KCNB2: variants seen among roughly 807,000 people sequenced by gnomAD.
KCNB2 encodes delayed rectifier potassium channel protein.
KCNB2 carries 15 observed loss-of-function variants against 61.5 expected under a neutral mutation model. The observed-to-expected ratio is 0.24, with a 90% CI of 0.16 to 0.38. The LOEUF is 0.38. Among genes scored for constraint, KCNB2 ranks in the 10% least tolerant of loss-of-function variants. The pLI, the probability that KCNB2 is intolerant of heterozygous loss-of-function variation, is 1.00. For missense variants in KCNB2, 828 were observed against 1,125.2 expected, an observed-to-expected ratio of 0.74 and a Z score of 3.78; for synonymous variants, 457 against 446.0, an observed-to-expected ratio of 1.02 and a Z score of -0.31.
At chr8:72,855,451 C>G (rs1402697536) in intron 2 of KCNB2, among the ~76,000 whole-genome samples, 2 of 152,094 alleles carry the variant, frequency 1.3e-5, no homozygotes, top group African/African-American at 2.4e-5. Context: ...CTCAAACAAC[C>G]CCTCCTCAAG....
chr8:72,739,822 C>G (rs1425024010), intron 2 of KCNB2, among the ~76,000 whole-genome samples: 1 of 152,082 alleles, frequency 6.6e-6, no homozygotes, highest in Non-Finnish European at 1.5e-5. Flanking sequence ...ATATTGTTCA[C>G]CCTTTTATTT....
chr8:72,737,482 T>C (rs1585862468), intron 2 of KCNB2, among the ~76,000 whole-genome samples: 1 of 152,218 alleles, frequency 6.6e-6, no homozygotes, highest in East Asian at 1.9e-4. Context: ...ATAAATGTTC[T>C]CAATAGTTGT....
At chr8:72,923,492 T>C (rs1328178137) in intron 2 of KCNB2, among the ~76,000 whole-genome samples, 2 of 152,192 alleles carry the variant, frequency 1.3e-5, no homozygotes, top group Non-Finnish European at 2.9e-5. Flanking sequence ...TTTAATGTTA[T>C]ATGCTGGTCA....
intron 2 of KCNB2, among the ~76,000 whole-genome samples, chr8:72,769,625 T>C (rs1365504416): frequency 6.6e-6 from 1 of 150,998 alleles, no homozygotes; most frequent in Non-Finnish European, 1.5e-5. Context: ...GCTTGGAGAG[T>C]GAGTGGATGG....
intron 2 of KCNB2, among the ~76,000 whole-genome samples, chr8:72,850,185 ATGT>A (rs1259638394): frequency 7.4e-6 from 1 of 135,002 alleles, no homozygotes; most frequent in African/African-American, 2.9e-5. Flanking sequence ...GTGTGAGTGT[ATGT>A]AAGTGTGTGT....
intron 2 of KCNB2, among the ~76,000 whole-genome samples, chr8:72,826,255 GGGAAGTATCTACA>G (rs1809594207): frequency 6.6e-6 from 1 of 152,132 alleles, no homozygotes; most frequent in Non-Finnish European, 1.5e-5. Context: ...ATCTGTTGAT[GGGAAGTATCTACA>G]GGAAGTAGGA....
chr8:72,927,179 C>T (rs368308066), intron 2 of KCNB2, among the ~76,000 whole-genome samples: 69 of 152,204 alleles, frequency 4.5e-4, no homozygotes, highest in Admixed American at 2.4e-3. Context: ...TAGAAGGAAG[C>T]GCGTCAAACT....
At chr8:72,642,494 GC>G (rs2128985806) in intron 2 of KCNB2, among the ~76,000 whole-genome samples, 1 of 152,154 alleles carries the variant, frequency 6.6e-6, no homozygotes, top group South Asian at 2.1e-4. Flanking sequence ...GACTCACACA[GC>G]TTACAGTCTA....
At chr8:72,562,523 G>A (rs1260661946) in intron 1 of KCNB2, among the ~76,000 whole-genome samples, 1 of 152,154 alleles carries the variant, frequency 6.6e-6, no homozygotes, top group East Asian at 1.9e-4. Flanking sequence ...ATTGTAGCAA[G>A]CTTAACTTTC....
chr8:72,867,159 A>T (rs993341361), intron 2 of KCNB2, among the ~76,000 whole-genome samples: 19 of 152,112 alleles, frequency 1.2e-4, no homozygotes, highest in African/African-American at 4.6e-4. Context: ...TCCCTTTATA[A>T]CCTTCTTAAT....
At chr8:72,647,409 G>A (rs1014387390) in intron 2 of KCNB2, among the ~76,000 whole-genome samples, 48 of 151,422 alleles carry the variant, frequency 3.2e-4, no homozygotes, top group African/African-American at 1.1e-3. Flanking sequence ...GAACTTTTTC[G>A]GTGCCACGGA....
At chr8:72,739,817 G>T (rs1186664722) in intron 2 of KCNB2, among the ~76,000 whole-genome samples, 1 of 152,096 alleles carries the variant, frequency 6.6e-6, no homozygotes, top group Non-Finnish European at 1.5e-5. Context: ...GTACCATATT[G>T]TTCACCCTTT....
intron 2 of KCNB2, among the ~76,000 whole-genome samples, chr8:72,812,534 A>G (rs780220605): frequency 2.6e-5 from 4 of 152,088 alleles, no homozygotes; most frequent in East Asian, 1.9e-4. Flanking sequence ...AAATATAGAT[A>G]TATATTTATT....
chr8:72,700,931 C>A (rs1210037106), intron 2 of KCNB2, among the ~76,000 whole-genome samples: 1 of 152,132 alleles, frequency 6.6e-6, no homozygotes, highest in Non-Finnish European at 1.5e-5. Flanking sequence ...TCCTTTGCAG[C>A]AACATATAGG....
intron 1 of KCNB2, among the ~76,000 whole-genome samples, chr8:72,545,598 C>T (rs1806247135): frequency 6.6e-6 from 1 of 152,010 alleles, no homozygotes; most frequent in South Asian, 2.1e-4. Context: ...TCTGCTTGGG[C>T]CTCCCTGTTC....
intron 2 of KCNB2, among the ~76,000 whole-genome samples, chr8:72,700,462 G>A (rs566757673): frequency 2.2e-4 from 33 of 152,060 alleles, no homozygotes; most frequent in Non-Finnish European, 3.2e-4. Flanking sequence ...ATGAAAAAAC[G>A]TTCAACATCA....
chr8:72,723,472 G>A (rs370699698), intron 2 of KCNB2, among the ~76,000 whole-genome samples: 25 of 152,206 alleles, frequency 1.6e-4, no homozygotes, highest in South Asian at 1.0e-3. Flanking sequence ...GACTGTGTGC[G>A]CTCTCACAGG....
intron 2 of KCNB2, among the ~76,000 whole-genome samples, chr8:72,851,632 CATTT>C (rs1810109890): frequency 6.6e-6 from 1 of 151,900 alleles, no homozygotes; most frequent in African/African-American, 2.4e-5. Context: ...TCTCACTGAG[CATTT>C]AGTCAGGTTC....
chr8:72,555,431 C>A (rs1806408527), intron 1 of KCNB2, among the ~76,000 whole-genome samples: 2 of 151,770 alleles, frequency 1.3e-5, no homozygotes, highest in Admixed American at 6.6e-5. Context: ...GCATTTTGAT[C>A]TTAAGCTGAA....
Sources: allele counts gnomAD v4.1 joint callset (sites outside exome capture counted in the v4.1 genomes callset), GRCh38; gene constraint gnomAD v4.1.1; transcripts MANE v1.5; gene names NCBI Gene and HGNC (gene_info 2026-07-23, HGNC 2026-07-21).